The following CSTL1 variants were observed in gnomAD, a reference collection of about 807,000 sequenced individuals.
CSTL1 encodes the protein cystatin-like 1.
In CSTL1, 14 loss-of-function variants were observed where a neutral mutation model predicts 14.4. That is an observed-to-expected ratio of 0.97 (90% CI 0.64 to 1.52). CSTL1 has a LOEUF of 1.52. CSTL1 is among the 40% of genes most tolerant of loss of function. CSTL1 has a pLI of 0.00. For missense variants in CSTL1, 170 were observed against 168.7 expected, an observed-to-expected ratio of 1.01 and a Z score of -0.04; for synonymous variants, 72 against 67.5, an observed-to-expected ratio of 1.07 and a Z score of -0.33.
At chr20:23,448,010 A>G (rs1485282610), downstream of CSTL1, among the ~76,000 whole-genome samples, 2 of 151,918 alleles carry the variant, frequency 1.3e-5, no homozygotes, top group Non-Finnish European at 1.5e-5. Flanking sequence ...TTCCAACTTT[A>G]GAGTCATCTC....
Position 23,440,348 on chromosome 20 carries a change from G to A in CSTL1, c.81G>A (p.Arg27=). 6.2e-7 allele frequency: 1 copy of A among 1,614,216 alleles called. No homozygotes were observed. Among genetic ancestry groups the A allele is most frequent in the Non-Finnish European group, 8.5e-7 (1 of 1,180,036 alleles). Residue 27 remains arginine, a synonymous_variant, in exon 2 of 4, where the codon AGG becomes AGA. Coordinates refer to ENST00000347397, the MANE Select transcript of CSTL1 (RefSeq NM_138283.1). Reference sequence around the variant, plus strand: ...CAGCCAAGCTGGGTCACTTCCAAAGGTGGGAGGGCTTCCAGCAGAAGCTCA... The same window carrying A: ...CAGCCAAGCTGGGTCACTTCCAAAGATGGGAGGGCTTCCAGCAGAAGCTCA... The part of the protein sequence containing the change: ...VLSAKLGHFQ[R]WEGFQQKLMS...
the CSTL1 span, among the ~76,000 whole-genome samples, chr20:23,457,156 T>C: frequency 3.3e-5 from 5 of 152,184 alleles, no homozygotes; most frequent in Non-Finnish European, 7.3e-5. Flanking sequence ...GGCTGAGGTA[T>C]GTGGAGCCCT....
intron 2 of CSTL1, among the ~76,000 whole-genome samples, chr20:23,441,771 A>T (rs1986838866): frequency 6.6e-6 from 1 of 152,168 alleles, no homozygotes; most frequent in Non-Finnish European, 1.5e-5. Context: ...TCGTAAGTAC[A>T]GAGGGCTGAC....
the CSTL1 span, among the ~76,000 whole-genome samples, chr20:23,455,396 T>C: frequency 9.9e-5 from 15 of 152,240 alleles, no homozygotes; most frequent in African/African-American, 3.4e-4. Context: ...ACAGTATTTA[T>C]GAAATTTTGT....
At chr20:23,452,357 C>T in the CSTL1 span, among the ~76,000 whole-genome samples, 31 of 152,316 alleles carry the variant, frequency 2.0e-4, no homozygotes, top group Admixed American at 7.2e-4. Flanking sequence ...CAAAAGTGGG[C>T]GGCAGGCAGT....
chr20:23,454,100 C>G, the CSTL1 span, among the ~76,000 whole-genome samples: 1 of 151,956 alleles, frequency 6.6e-6, no homozygotes, highest in Non-Finnish European at 1.5e-5. Context: ...GAAACACACA[C>G]ACAACACACA....
the CSTL1 span, among the ~76,000 whole-genome samples, chr20:23,455,827 T>C: frequency 7.2e-5 from 11 of 152,354 alleles, no homozygotes; most frequent in Middle Eastern, 3.4e-3. Context: ...CCGTGGGTTC[T>C]CTTCCTGTCG....
the CSTL1 span, chr20:23,452,560 A>G: frequency 1.4e-6 from 2 of 1,462,618 alleles, no homozygotes; most frequent in South Asian, 1.1e-5. Context: ...AGGCCTGGGG[A>G]GAGGCGGGAA....
At chr20:23,452,772 C>T in the CSTL1 span, 1 of 1,614,100 alleles carries the variant, frequency 6.2e-7, no homozygotes, top group Non-Finnish European at 8.5e-7. Flanking sequence ...AATAGAATGG[C>T]CAACAGGAGC....
At chr20:23,455,724 G>A in the CSTL1 span, among the ~76,000 whole-genome samples, 1 of 152,208 alleles carries the variant, frequency 6.6e-6, no homozygotes, top group East Asian at 1.9e-4. Context: ...GCAAGAGGGC[G>A]GCACCAAAGA....
chr20:23,452,613 T>A, the CSTL1 span: 23 of 1,613,384 alleles, frequency 1.4e-5, no homozygotes, highest in African/African-American at 1.7e-4. Context: ...ACTCGGAAGA[T>A]CCTGAAGTGG....
the CSTL1 span, among the ~76,000 whole-genome samples, chr20:23,451,552 AG>A: frequency 2.6e-5 from 4 of 152,138 alleles, no homozygotes; most frequent in Admixed American, 6.6e-5. Context: ...CCCTCGCCCC[AG>A]AGTGTGCCCC....
downstream of CSTL1, among the ~76,000 whole-genome samples, chr20:23,446,743 A>G (rs1293870523): frequency 1.3e-5 from 2 of 152,214 alleles, no homozygotes; most frequent in Admixed American, 1.3e-4. Context: ...AGCCACAGAC[A>G]ATGGCTGACA....
At chr20:23,445,025 A>G, downstream of CSTL1, 1 of 653,948 alleles carries the variant, frequency 1.5e-6, no homozygotes, top group Non-Finnish European at 2.8e-6. Flanking sequence ...TACCTTCACA[A>G]CCCACACACA....
chr20:23,454,064 C>T, the CSTL1 span, among the ~76,000 whole-genome samples: 1 of 151,706 alleles, frequency 6.6e-6, no homozygotes, highest in Non-Finnish European at 1.5e-5. Context: ...CACACACATA[C>T]CGCCACACAT....
At chr20:23,447,490 C>T (rs1986992210), downstream of CSTL1, among the ~76,000 whole-genome samples, 1 of 141,744 alleles carries the variant, frequency 7.1e-6, no homozygotes, top group African/African-American at 2.7e-5. Context: ...TTTTGTGAGA[C>T]AGAGTTCCAC....
At position 23,440,579 on chromosome 20, in the gene CSTL1, TGGTGGTCCTCCGTGAGGTCCCAAGGGG is replaced by T. The variant is rs753948085; in HGVS notation, c.219+95_219+121del. 7.3e-6 allele frequency: 7 copies of T among 960,800 alleles called. No individual in the cohort carries two copies. The South Asian group carries it at 9.1e-5, about 12-fold the overall frequency. 59.5% of individuals were successfully genotyped at this position (960,800 alleles called of 1,614,324 possible). A position where few individuals can be genotyped will look rare whatever the true frequency, so the allele number is the denominator to read the frequency against. ...TGGGGTAGCTCCCAAGAGAACCAAGTGGTGGTCCTCCGTGAGGTCCCAAGGGGGAAGCATCTTCACTTGTAGCAGGTA... is the reference window on the plus strand; with the variant it reads ...TGGGGTAGCTCCCAAGAGAACCAAGTGAAGCATCTTCACTTGTAGCAGGTA... On this transcript the variant is annotated intron_variant, in intron 2 of 3. Transcript: ENST00000347397.
At chr20:23,453,356 G>A in the CSTL1 span, among the ~76,000 whole-genome samples, 2 of 152,282 alleles carry the variant, frequency 1.3e-5, no homozygotes, top group South Asian at 4.1e-4. Flanking sequence ...TGAAGGGAGG[G>A]AGAGTCAACT....
At position 23,444,064 on chromosome 20, in the gene CSTL1, C is replaced by A. The variant is rs1391596831; in HGVS notation, c.330+20C>A. 13 of 1,585,888 alleles carry A rather than the reference C, an allele frequency of 8.2e-6. No individual in the cohort carries two copies. The highest frequency in any genetic ancestry group is 1.1e-5 in the Non-Finnish European group (13 of 1,154,960). On this transcript the variant is annotated intron_variant, in intron 3 of 3. Transcript: ENST00000347397. The stretch of plus-strand genomic sequence containing the variant: ...AGAAAGGTGTGTAGTGGAAGTCATC[C>A]CAAAGGGACTTGTGAAGTGAATATT...
Sources: allele counts gnomAD v4.1 joint callset (sites outside exome capture counted in the v4.1 genomes callset), GRCh38; gene constraint gnomAD v4.1.1; transcripts MANE v1.5; gene names NCBI Gene and HGNC (gene_info 2026-07-23, HGNC 2026-07-21).